Variants in CDK13 observed in about 807,000 individuals in gnomAD.
The protein encoded by CDK13 is cyclin dependent kinase 13, also known as cyclin-dependent kinase 13.
Under a neutral mutation model 137.6 loss-of-function variants are expected in CDK13, and 40 were observed. The ratio of observed to expected loss-of-function variants is 0.29; its 90% confidence interval spans 0.23 to 0.38. The LOEUF is 0.38. Ranked by LOEUF, CDK13 falls within the 10% of genes least tolerant of loss-of-function variation. The pLI, the probability that CDK13 is intolerant of heterozygous loss-of-function variation, is 1.00. For synonymous variants in CDK13, 869 were observed against 760.1 expected (o/e 1.14, Z -2.36); for missense variants, 1,704 against 1,951.8 (o/e 0.87, Z 2.39).
At position 39,988,184 on chromosome 7, in the gene CDK13, T is replaced by C. The variant is rs377402223; in HGVS notation, c.1797T>C (p.His599=). Residue 599 remains histidine, a synonymous_variant, in exon 2 of 14, where the codon CAT becomes CAC. Transcript: ENST00000181839. ...TAGGAGCCAAGGAGAAGGAGCAACA[T>C]GTAGCTTTAGTCACCTCTACATTAC... ...PSIGAKEKEQ[H]VALVTSTLPP... The C allele has an allele frequency of 2.0e-5, 32 of 1,614,008 alleles. No individual in the cohort carries two copies. Among genetic ancestry groups the C allele is most frequent in the Non-Finnish European group, 2.5e-5 (30 of 1,180,026 alleles).
At chr7:40,054,182 C>T (rs918494313) in intron 7 of CDK13, among the ~76,000 whole-genome samples, 1 of 152,072 alleles carries the variant, frequency 6.6e-6, no homozygotes, top group African/African-American at 2.4e-5. Context: ...TGCTTTTTGT[C>T]TTTGCATCCT....
chr7:40,078,832 T>G lies in CDK13; in HGVS notation c.3010T>G (p.Ser1004Ala). Residue 1004 changes from serine (S) to alanine (A), a missense_variant, in exon 11 of 14, where the codon TCA becomes GCA. By Grantham distance (99) the Ser-to-Ala change is moderately conservative (BLOSUM62 1). Around this residue, in one of 5 missense-constraint regions of CDK13, gnomAD observed 45 missense variants for 57.0 expected, o/e 0.79. Coordinates refer to ENST00000181839, the MANE Select transcript of CDK13 (RefSeq NM_003718.5). ...CGAGTTCCTCCGAGATGTGGAACCC[T>G]CAAAAATGCCTCCACCAGAGTAAGT... Reference protein sequence around the residue: ...QCEFLRDVEPSKMPPPDLPLW... With the variant: ...QCEFLRDVEPAKMPPPDLPLW... 6.8e-7 allele frequency: 1 copy of G among 1,461,524 alleles called. No homozygotes were observed. The highest frequency in any genetic ancestry group is 9.1e-7 in the Non-Finnish European group (1 of 1,096,582). 90.5% of individuals were successfully genotyped at this position (1,461,524 alleles called of 1,614,324 possible). A position where few individuals can be genotyped will look rare whatever the true frequency, so the allele number is the denominator to read the frequency against.
chr7:40,068,100 A>AAG (rs1048558837), intron 9 of CDK13: 4 of 151,746 alleles, frequency 2.6e-5, no homozygotes, highest in African/African-American at 9.7e-5. Context: ...AAAAAAAAAA[A>AAG]AAAGAAAAAT....
At chr7:40,031,410 T>C (rs571248547) in intron 5 of CDK13, among the ~76,000 whole-genome samples, 16 of 152,042 alleles carry the variant, frequency 1.1e-4, no homozygotes, top group African/African-American at 3.9e-4. Context: ...CAGACCCCGC[T>C]ACTTGGGAGG....
intron 7 of CDK13, among the ~76,000 whole-genome samples, chr7:40,049,439 A>T (rs1785831209): frequency 1.3e-5 from 2 of 150,760 alleles, no homozygotes. Context: ...AAACTGTTTT[A>T]AAGCTCAAAA....
At chr7:39,963,590 T>C (rs1291684416) in intron 1 of CDK13, among the ~76,000 whole-genome samples, 2 of 152,232 alleles carry the variant, frequency 1.3e-5, no homozygotes, top group East Asian at 1.9e-4. Context: ...TTTGACTTTC[T>C]CTTTTCCTAA....
intron 10 of CDK13, 30 bp from the exon 11 acceptor site, chr7:40,078,690 C>A (rs771711771): frequency 7.1e-7 from 1 of 1,400,924 alleles, no homozygotes; most frequent in Admixed American, 2.4e-5. Context: ...CTAAAGAACA[C>A]ATCTAACTTT....
At chr7:40,060,503 G>C (rs902667737) in intron 7 of CDK13, among the ~76,000 whole-genome samples, 1 of 152,076 alleles carries the variant, frequency 6.6e-6, no homozygotes, top group African/African-American at 2.4e-5. Flanking sequence ...TCTAAAGTTA[G>C]AGGGCAATAT....
intron 5 of CDK13, among the ~76,000 whole-genome samples, chr7:40,024,879 G>A (rs1034840719): frequency 6.6e-6 from 1 of 152,010 alleles, no homozygotes; most frequent in Non-Finnish European, 1.5e-5. Context: ...AGCCAGGCTG[G>A]TCTCTAACTC....
chr7:39,950,528 C>T lies in CDK13; in HGVS notation c.-114C>T, dbSNP rs1787114409. On this transcript the variant is annotated 5_prime_UTR_variant, in exon 1 of 14. Coordinates refer to ENST00000181839, the MANE Select transcript of CDK13 (RefSeq NM_003718.5). ...TTATCGTGGCGCTTTTCCCGGCCGG[C>T]TCTGGTGCTCGGTGTCCCTCCGCCG... The T allele has an allele frequency of 1.6e-6, 2 of 1,268,284 alleles. No individual in the cohort carries two copies. Among genetic ancestry groups the T allele is most frequent in the Admixed American group, 4.2e-5 (1 of 23,780 alleles). The allele number at this position is 1,268,284 out of a possible 1,614,324, so 78.6% of individuals were successfully genotyped here. A position where few individuals can be genotyped will look rare whatever the true frequency, so the allele number is the denominator to read the frequency against.
chr7:40,064,782 CT>C (rs545885222), intron 9 of CDK13, among the ~76,000 whole-genome samples: 6,963 of 134,492 alleles, frequency 0.052, 435 homozygotes, highest in African/African-American at 0.16. Flanking sequence ...TTTTATGTTA[CT>C]TTTTTTTTTT....
In CDK13 at chr7:40,093,059, G is replaced by T. The variant is rs1786962528; in HGVS notation, c.3510G>T (p.Val1170=). Residue 1170 remains valine (V), a synonymous_variant, in exon 13 of 14, where the codon GTG becomes GTT. Transcript: ENST00000181839. ...CTTCTCAGACCATCCAGCCTAAAGT[G>T]GAGACTGATGCTGCCCAGGCGGCTG... The part of the protein sequence containing the change: ...QPSSQTIQPK[V]ETDAAQAAVQ... 6.2e-7 allele frequency: 1 copy of T among 1,614,076 alleles called. No homozygotes were observed. Among genetic ancestry groups the T allele is most frequent in the African/African-American group, 1.3e-5 (1 of 74,924 alleles).
intron 4 of CDK13, among the ~76,000 whole-genome samples, chr7:40,001,321 G>C (rs533443504): frequency 6.6e-6 from 1 of 151,208 alleles, no homozygotes; most frequent in African/African-American, 2.4e-5. Flanking sequence ...TCCACCTCCC[G>C]GGTTCAAGTG....
chr7:39,996,283 A>AT (rs1425938135), intron 2 of CDK13, among the ~76,000 whole-genome samples: 1 of 152,164 alleles, frequency 6.6e-6, no homozygotes, highest in African/African-American at 2.4e-5. Context: ...GTTGCAATAA[A>AT]TTTTTTCATT....
intron 1 of CDK13, among the ~76,000 whole-genome samples, chr7:39,954,065 C>A (rs144753278): frequency 6.6e-6 from 1 of 152,252 alleles, no homozygotes; most frequent in East Asian, 1.9e-4. Context: ...ATATTGTGAC[C>A]AAAATCCACC....
intron 5 of CDK13, among the ~76,000 whole-genome samples, chr7:40,029,289 G>A (rs1785313783): frequency 6.6e-6 from 1 of 152,020 alleles, no homozygotes; most frequent in South Asian, 2.1e-4. Context: ...TCATTCGATC[G>A]TGGTGATGGA....
At chr7:39,965,108 G>T (rs912770264) in intron 1 of CDK13, among the ~76,000 whole-genome samples, 1 of 152,184 alleles carries the variant, frequency 6.6e-6, no homozygotes, top group Non-Finnish European at 1.5e-5. Flanking sequence ...CTGTTGATTT[G>T]GGGTGGAGAG....
chr7:39,953,741 A>T (rs1787315332), intron 1 of CDK13, among the ~76,000 whole-genome samples: 1 of 152,172 alleles, frequency 6.6e-6, no homozygotes, highest in Non-Finnish European at 1.5e-5. Context: ...CAGTATTTCT[A>T]AAGAGTTGAA....
At chr7:39,992,163 GGT>G (rs140203379) in intron 2 of CDK13, among the ~76,000 whole-genome samples, 9,408 of 146,208 alleles carry the variant, frequency 0.064, 741 homozygotes, top group African/African-American at 0.19. Context: ...AACTAATGAG[GGT>G]GTGTGTGTGT....
Sources: allele counts gnomAD v4.1 joint callset (sites outside exome capture counted in the v4.1 genomes callset), GRCh38; gene constraint gnomAD v4.1.1; regional missense constraint gnomAD v4.1.1; transcripts MANE v1.5; gene names NCBI Gene and HGNC (gene_info 2026-07-23, HGNC 2026-07-21).